Variants in JMJD1C observed in about 807,000 individuals in gnomAD.
JMJD1C encodes the protein jumonji domain containing 1C, also known as jumonji domain-containing protein 1C.
In JMJD1C, 31 loss-of-function variants were observed where a neutral mutation model predicts 245.3. That is an observed-to-expected ratio of 0.13 (90% CI 0.09 to 0.17). The LOEUF is 0.17. Among genes scored for constraint, JMJD1C ranks in the 10% least tolerant of loss-of-function variants. The pLI, the probability that JMJD1C is intolerant of heterozygous loss-of-function variation, is 1.00. For missense variants in JMJD1C, 2,691 were observed against 3,000.2 expected, an observed-to-expected ratio of 0.90 and a Z score of 2.41; for synonymous variants, 1,057 against 1,017.4, an observed-to-expected ratio of 1.04 and a Z score of -0.74.
intron 2 of JMJD1C, among the ~76,000 whole-genome samples, chr10:63,294,525 C>G (rs1031826369): frequency 6.6e-6 from 1 of 152,142 alleles, no homozygotes; most frequent in African/African-American, 2.4e-5. Flanking sequence ...ACCTCGTGAT[C>G]CGCCCGCCTT....
At chr10:63,261,920 C>A (rs370613957) in intron 3 of JMJD1C, among the ~76,000 whole-genome samples, 1 of 152,182 alleles carries the variant, frequency 6.6e-6, no homozygotes, top group African/African-American at 2.4e-5. Context: ...ATTTTAAAAA[C>A]TTACATGTAC....
At chr10:63,366,819 A>C (rs1396961641) in intron 2 of JMJD1C, among the ~76,000 whole-genome samples, 1 of 152,230 alleles carries the variant, frequency 6.6e-6, no homozygotes, top group Non-Finnish European at 1.5e-5. Flanking sequence ...CACTGGATAC[A>C]TAAGAAAATG....
chr10:63,517,680 AAGAGACCACACTATAAAAGCTTCT>A (rs1955063034), intron 1 of JMJD1C, among the ~76,000 whole-genome samples: 1 of 152,162 alleles, frequency 6.6e-6, no homozygotes, highest in African/African-American at 2.4e-5. Context: ...CAAGCACTCC[AAGAGACCACACTATAAAAGCTTCT>A]AGGCAGAAGG....
intron 1 of JMJD1C, among the ~76,000 whole-genome samples, chr10:63,446,500 T>C (rs532080265): frequency 2.0e-5 from 3 of 152,120 alleles, no homozygotes; most frequent in Non-Finnish European, 4.4e-5. Flanking sequence ...TATTAAAGGT[T>C]ATAGGAATAG....
At chr10:63,223,101 T>C in intron 3 of JMJD1C, 1 of 690,340 alleles carries the variant, frequency 1.4e-6, no homozygotes, top group East Asian at 2.8e-5. Flanking sequence ...ATAGTAAAAC[T>C]TACCGATAGT....
chr10:63,443,446 G>A (rs184940906), intron 1 of JMJD1C, among the ~76,000 whole-genome samples: 1 of 152,208 alleles, frequency 6.6e-6, no homozygotes, highest in Admixed American at 6.5e-5. Flanking sequence ...GAGTAGCTGG[G>A]ACTACAGGTG....
intron 1 of JMJD1C, among the ~76,000 whole-genome samples, chr10:63,442,102 T>C (rs1305153132): frequency 1.3e-5 from 2 of 152,154 alleles, no homozygotes; most frequent in Non-Finnish European, 2.9e-5. Context: ...CCTGGTAAAA[T>C]GATGTACAGA....
chr10:63,411,746 G>A (rs1193230702), intron 1 of JMJD1C, among the ~76,000 whole-genome samples: 1 of 151,838 alleles, frequency 6.6e-6, no homozygotes, highest in Non-Finnish European at 1.5e-5. Context: ...GGGACTACAG[G>A]TGCGTGCCAC....
intron 1 of JMJD1C, among the ~76,000 whole-genome samples, chr10:63,433,396 T>G (rs1399995677): frequency 2.0e-5 from 3 of 152,026 alleles, no homozygotes; most frequent in African/African-American, 7.2e-5. Context: ...GCGCCCGGCC[T>G]AAGGGAGTTA....
chr10:63,326,425 T>TAA (rs745783867), intron 2 of JMJD1C, among the ~76,000 whole-genome samples: 1 of 139,260 alleles, frequency 7.2e-6, no homozygotes, highest in Non-Finnish European at 1.6e-5. Flanking sequence ...AATAAATAAA[T>TAA]AAAGATAATA....
At chr10:63,337,055 C>T (rs187807552) in intron 2 of JMJD1C, among the ~76,000 whole-genome samples, 19 of 151,916 alleles carry the variant, frequency 1.3e-4, no homozygotes, top group African/African-American at 4.8e-5. Context: ...TGGCCAGGCT[C>T]GTCTCAAGCT....
intron 1 of JMJD1C, among the ~76,000 whole-genome samples, chr10:63,382,010 G>A (rs1255827211): frequency 1.3e-5 from 2 of 152,074 alleles, no homozygotes; most frequent in Admixed American, 6.6e-5. Context: ...TCAGGAGTTC[G>A]AGACCATCCT....
chr10:63,418,819 C>T (rs1949943988), intron 1 of JMJD1C, among the ~76,000 whole-genome samples: 1 of 152,152 alleles, frequency 6.6e-6, no homozygotes, highest in Non-Finnish European at 1.5e-5. Flanking sequence ...GTGGTTCATG[C>T]CTGTAATCCC....
intron 1 of JMJD1C, among the ~76,000 whole-genome samples, chr10:63,436,344 C>A (rs1206213242): frequency 1.3e-5 from 2 of 152,190 alleles, no homozygotes; most frequent in African/African-American, 4.8e-5. Context: ...TAAACAATGA[C>A]TCCAGCTCTT....
intron 8 of JMJD1C, among the ~76,000 whole-genome samples, chr10:63,212,547 T>C (rs761654974): frequency 6.6e-6 from 1 of 152,098 alleles, no homozygotes; most frequent in Non-Finnish European, 1.5e-5. Flanking sequence ...AAGAGCCTTA[T>C]ACCGCTACCT....
intron 14 of JMJD1C, chr10:63,193,764 T>A (rs555653236): frequency 2.5e-5 from 5 of 200,924 alleles, no homozygotes; most frequent in South Asian, 1.9e-4. Context: ...CCCCCCAGGT[T>A]CATGCCATTC....
In JMJD1C at chr10:63,342,929, A is replaced by AT. The variant is rs530001384; in HGVS notation, c.333+37388dup. 1.9e-3 allele frequency among the ~76,000 whole-genome samples: 282 copies of AT among 152,352 alleles called. 3 individuals are homozygous for AT. The highest frequency in any genetic ancestry group is 6.5e-3 in the African/African-American group (272 of 41,578). ...TAAGGTGTATACAAAATATAAACAA[A>AT]TTTTGTGTTTAGACTTGGGTCACCT... On this transcript the variant is annotated intron_variant, in intron 2 of 25. Transcript: ENST00000399262.
intron 2 of JMJD1C, among the ~76,000 whole-genome samples, chr10:63,265,178 A>C (rs933398637): frequency 3.6e-4 from 54 of 151,822 alleles, no homozygotes; most frequent in African/African-American, 1.3e-3. Flanking sequence ...ATTTCAATGT[A>C]CACTTTTTGT....
chr10:63,419,026 A>G (rs6479900), intron 1 of JMJD1C, among the ~76,000 whole-genome samples: 146,342 of 146,990 alleles, frequency 1, 72,849 homozygotes, highest in Non-Finnish European at 1. Flanking sequence ...GCAGTGAGCC[A>G]AGATCACACC....
Sources: allele counts gnomAD v4.1 joint callset (sites outside exome capture counted in the v4.1 genomes callset), GRCh38; gene constraint gnomAD v4.1.1; transcripts MANE v1.5; gene names NCBI Gene and HGNC (gene_info 2026-07-23, HGNC 2026-07-21).